CFAP77: variants seen among roughly 807,000 people sequenced by gnomAD.
CFAP77 encodes cilia and flagella associated protein 77, also known as cilia- and flagella-associated protein 77.
A neutral mutation model predicts 31.1 loss-of-function variants in CFAP77; 25 were observed. The ratio of observed to expected loss-of-function variants is 0.80; its 90% CI spans 0.59 to 1.12. The LOEUF (loss-of-function observed/expected upper bound fraction) is 1.12, where lower values mean the gene tolerates loss of function less well. CFAP77 is among the 50% of genes most tolerant of loss of function. The probability of loss-of-function intolerance (pLI) is 0.00; values close to 1 mark genes in which losing one functional copy is unlikely to be tolerated. For missense variants in CFAP77, 377 were observed against 397.3 expected, an observed-to-expected ratio of 0.95 and a Z score of 0.44; for synonymous variants, 151 against 159.9, an observed-to-expected ratio of 0.94 and a Z score of 0.42.
At position 132,410,224 on chromosome 9, in the gene CFAP77, A is replaced by G; in HGVS notation, c.-48A>G. On this transcript the variant is annotated 5_prime_UTR_variant, in exon 1 of 6. Coordinates refer to ENST00000393216, the MANE Select transcript of CFAP77 (RefSeq NM_001282957.2). ...GCTCCAGGCTGTGCCCGACGTGGGGAAGCGCGCCCAAACCAGCCCGCGGGC... is the reference window on the plus strand; with the variant it reads ...GCTCCAGGCTGTGCCCGACGTGGGGGAGCGCGCCCAAACCAGCCCGCGGGC... 6.1e-6 allele frequency: 8 copies of G among 1,309,100 alleles called. No individual in the cohort carries two copies. Among genetic ancestry groups the G allele is most frequent in the East Asian group, 4.2e-5 (1 of 23,752 alleles). The allele number at this position is 1,309,100 out of a possible 1,614,324, so 81.1% of individuals were successfully genotyped here.
intron 3 of CFAP77, among the ~76,000 whole-genome samples, chr9:132,504,254 C>T (rs568820265): frequency 2.6e-5 from 4 of 152,290 alleles, no homozygotes; most frequent in South Asian, 2.1e-4. Flanking sequence ...TCCTTGGAAC[C>T]GATGTGCAGC....
Position 132,413,827 on chromosome 9 carries a change from C to T in CFAP77, c.195+3361C>T, listed in dbSNP as rs116429294. On this transcript the variant is annotated intron_variant, in intron 1 of 5. Coordinates refer to ENST00000393216, the MANE Select transcript of CFAP77 (RefSeq NM_001282957.2). ...AGAAAGTGTAAAAGATCGTAGCACC[C>T]GATTTTTTCATAATTTATTATTGAC... Among the ~76,000 whole-genome samples, 875 of 152,170 alleles carry T rather than the reference C, an allele frequency of 5.8e-3. 10 individuals carry two copies. The highest frequency in any genetic ancestry group is 0.019 in the African/African-American group (791 of 41,504).
At chr9:132,458,342 CG>C (rs1554738844) in intron 1 of CFAP77, among the ~76,000 whole-genome samples, 3 of 71,230 alleles carry the variant, frequency 4.2e-5, no homozygotes, top group African/African-American at 1.1e-4. Context: ...GTCTCCCTGG[CG>C]GGGGAGGGGG....
At chr9:132,475,310 T>C (rs374506121) in intron 1 of CFAP77, among the ~76,000 whole-genome samples, 4 of 152,204 alleles carry the variant, frequency 2.6e-5, no homozygotes, top group South Asian at 2.1e-4. Context: ...CCAGCCTGGG[T>C]ATCATGCATC....
intron 3 of CFAP77, among the ~76,000 whole-genome samples, chr9:132,502,915 T>C (rs1416382467): frequency 6.6e-6 from 1 of 152,224 alleles, no homozygotes; most frequent in Non-Finnish European, 1.5e-5. Flanking sequence ...TATGCTTTTG[T>C]ATACTTTTCC....
intron 1 of CFAP77, among the ~76,000 whole-genome samples, chr9:132,448,563 C>T (rs1190272871): frequency 6.6e-6 from 1 of 152,066 alleles, no homozygotes; most frequent in Non-Finnish European, 1.5e-5. Context: ...CCAAATGAAG[C>T]CTCTGTTTTG....
chr9:132,441,765 T>A (rs1850619206), intron 1 of CFAP77, among the ~76,000 whole-genome samples: 1 of 151,090 alleles, frequency 6.6e-6, no homozygotes, highest in South Asian at 2.1e-4. Context: ...AACCCGATCT[T>A]CTTCAATGGC....
At chr9:132,459,502 T>A (rs1238598801) in intron 1 of CFAP77, among the ~76,000 whole-genome samples, 2 of 151,374 alleles carry the variant, frequency 1.3e-5, no homozygotes, top group Admixed American at 1.3e-4. Flanking sequence ...TGTGTGTATA[T>A]GTATGTCTCT....
intron 1 of CFAP77, among the ~76,000 whole-genome samples, chr9:132,445,448 G>A (rs948613711): frequency 6.6e-6 from 1 of 152,186 alleles, no homozygotes; most frequent in African/African-American, 2.4e-5. Context: ...CTATTCCACT[G>A]TATGGATAGA....
At chr9:132,531,386 G>A (rs1032713099) in intron 3 of CFAP77, among the ~76,000 whole-genome samples, 1 of 152,164 alleles carries the variant, frequency 6.6e-6, no homozygotes. Context: ...GTGGGAGGGC[G>A]CCGGACCAGG....
intron 1 of CFAP77, among the ~76,000 whole-genome samples, chr9:132,445,098 C>T (rs1253761275): frequency 3.3e-5 from 5 of 151,900 alleles, no homozygotes; most frequent in Admixed American, 6.6e-5. Flanking sequence ...CTCAGCCTCC[C>T]GAGTAGCTGG....
chr9:132,425,157 GT>G (rs927016094), intron 1 of CFAP77, among the ~76,000 whole-genome samples: 1 of 152,130 alleles, frequency 6.6e-6, no homozygotes, highest in Non-Finnish European at 1.5e-5. Flanking sequence ...CCTTTCCCTT[GT>G]TTTCTGCCGA....
chr9:132,521,778 T>TTGTTTTTTTG (rs1554747340), intron 3 of CFAP77, among the ~76,000 whole-genome samples: 3 of 106,118 alleles, frequency 2.8e-5, no homozygotes, highest in Non-Finnish European at 5.2e-5. Flanking sequence ...TTTTTTTTTT[T>TTGTTTTTTTG]TTTTTTGAGA....
chr9:132,572,583 C>A lies in CFAP77; in HGVS notation c.*73C>A. On this transcript the variant is annotated 3_prime_UTR_variant, in exon 6 of 6. Coordinates refer to ENST00000393216, the MANE Select transcript of CFAP77 (RefSeq NM_001282957.2). ...TCCCAGAAGGACTCCCTATCTTGCC[C>A]CAACCCTGACATTCCCCCATTTTTA... 7.0e-7 allele frequency: 1 copy of A among 1,437,876 alleles called. No homozygotes were observed. The highest frequency in any genetic ancestry group is 1.4e-5 in the African/African-American group (1 of 70,824). The allele number at this position is 1,437,876 out of a possible 1,614,324, so 89.1% of individuals were successfully genotyped here. A position where few individuals can be genotyped will look rare whatever the true frequency, so the allele number is the denominator to read the frequency against.
rs201312057 is a variant in CFAP77 at position 132,482,466 on chromosome 9, A to G, written c.196-16229A>G. ...AATGTCACCCTGGAGAAAAAGGGGAAAAGAGGGGCCCCTCCCGGCTTCCGC... is the reference window on the plus strand; with the variant it reads ...AATGTCACCCTGGAGAAAAAGGGGAGAAGAGGGGCCCCTCCCGGCTTCCGC... On this transcript the variant is annotated intron_variant, in intron 1 of 5. Coordinates refer to ENST00000393216, the MANE Select transcript of CFAP77 (RefSeq NM_001282957.2). 1.3e-4 allele frequency: 197 copies of G among 1,522,778 alleles called. 1 individual carries two copies. The African/African-American group carries it at 2.3e-3, about 18-fold the overall frequency. The allele number at this position is 1,522,778 out of a possible 1,614,324, so 94.3% of individuals were successfully genotyped here.
intron 4 of CFAP77, among the ~76,000 whole-genome samples, chr9:132,542,227 CA>C (rs1852656351): frequency 6.6e-6 from 1 of 152,228 alleles, no homozygotes; most frequent in Non-Finnish European, 1.5e-5. Context: ...TGACGACTCC[CA>C]AACCAGGGCC....
intron 1 of CFAP77, among the ~76,000 whole-genome samples, chr9:132,411,388 G>GT (rs374464053): frequency 1.2e-3 from 180 of 152,330 alleles, no homozygotes; most frequent in Non-Finnish European, 2.0e-3. Flanking sequence ...GTGGCGGTTT[G>GT]TTTTTGTTTT....
At chr9:132,445,730 G>C (rs556300885) in intron 1 of CFAP77, among the ~76,000 whole-genome samples, 7 of 151,902 alleles carry the variant, frequency 4.6e-5, no homozygotes, top group Non-Finnish European at 7.4e-5. Context: ...TTGGCCAGGC[G>C]TCATGGTGGG....
chr9:132,458,357 G>GGGAGGGT (rs139008147), intron 1 of CFAP77, among the ~76,000 whole-genome samples: 1 of 119,046 alleles, frequency 8.4e-6, no homozygotes, highest in East Asian at 2.7e-4. Context: ...GAGGGGGGGG[G>GGGAGGGT]GTGTGTATGG....
Sources: allele counts gnomAD v4.1 joint callset (sites outside exome capture counted in the v4.1 genomes callset), GRCh38; gene constraint gnomAD v4.1.1; transcripts MANE v1.5; gene names NCBI Gene and HGNC (gene_info 2026-07-23, HGNC 2026-07-21).